HEATR5A: variants seen among roughly 807,000 people sequenced by gnomAD.
HEATR5A encodes the protein HEAT repeat containing 5A, also known as HEAT repeat-containing protein 5A.
In HEATR5A, 178 loss-of-function variants were observed where a neutral mutation model predicts 218.8. The observed-to-expected ratio is 0.81, with a 90% CI of 0.72 to 0.92. The LOEUF (loss-of-function observed/expected upper bound fraction) is 0.92, where lower values mean the gene tolerates loss of function less well. HEATR5A is among the 40% of genes least tolerant of loss of function. The pLI is 0.00. For missense variants in HEATR5A, 2,420 were observed against 2,418.9 expected, an observed-to-expected ratio of 1.00 and a Z score of -0.01; for synonymous variants, 864 against 871.6, an observed-to-expected ratio of 0.99 and a Z score of 0.15.
chr14:31,353,473 C>T (rs1186002102), intron 16 of HEATR5A, among the ~76,000 whole-genome samples: 2 of 152,052 alleles, frequency 1.3e-5, no homozygotes, highest in African/African-American at 2.4e-5. Flanking sequence ...TGGTGGCTCA[C>T]GCCTGTAATT....
At chr14:31,392,138 T>C (rs532483287) in intron 6 of HEATR5A, among the ~76,000 whole-genome samples, 13 of 152,340 alleles carry the variant, frequency 8.5e-5, no homozygotes, top group African/African-American at 2.6e-4. Flanking sequence ...CAGAGAACTA[T>C]GTAAGTGATG....
At chr14:31,412,216 T>A (rs7151305) in intron 1 of HEATR5A, among the ~76,000 whole-genome samples, 144,964 of 152,288 alleles carry the variant, frequency 0.95, 69,351 homozygotes, top group Non-Finnish European at 1. Flanking sequence ...ACTATCAATG[T>A]CATACTTCTA....
chr14:31,351,508 G>GAAAAAAAAAAA (rs71430949), intron 16 of HEATR5A, among the ~76,000 whole-genome samples: 2 of 129,322 alleles, frequency 1.5e-5, no homozygotes, highest in African/African-American at 2.9e-5. Context: ...AAGAAAGAAA[G>GAAAAAAAAAAA]AAAAAAAAAA....
At chr14:31,295,765 TGAAATA>T (rs1354313967) in intron 34 of HEATR5A, 138 bp downstream of exon 34, 2 of 639,536 alleles carry the variant, frequency 3.1e-6, no homozygotes, top group Non-Finnish European at 5.3e-6. Context: ...TTGTCACTCC[TGAAATA>T]GAAATTAATC....
intron 16 of HEATR5A, among the ~76,000 whole-genome samples, chr14:31,352,112 T>A (rs1203041005): frequency 1.3e-5 from 2 of 152,158 alleles, no homozygotes. Flanking sequence ...CATGTAACCA[T>A]AAAATAAACC....
At chr14:31,307,545 T>C (rs2139140390) in intron 30 of HEATR5A, among the ~76,000 whole-genome samples, 2 of 152,270 alleles carry the variant, frequency 1.3e-5, no homozygotes, top group African/African-American at 4.8e-5. Flanking sequence ...GGGAATGGAA[T>C]ATAAGATACA....
chr14:31,409,373 T>C (rs1387693149), intron 1 of HEATR5A, among the ~76,000 whole-genome samples: 1 of 149,728 alleles, frequency 6.7e-6, no homozygotes, highest in Non-Finnish European at 1.5e-5. Context: ...CTAAAGTAAC[T>C]TACTCCAAAA....
intron 1 of HEATR5A, among the ~76,000 whole-genome samples, chr14:31,408,293 A>G (rs1157139043): frequency 6.6e-6 from 1 of 152,228 alleles, no homozygotes; most frequent in Admixed American, 6.5e-5. Flanking sequence ...TAGAGGTCAA[A>G]TTTAGACTAA....
chr14:31,391,217 C>T (rs1354095224), intron 6 of HEATR5A, among the ~76,000 whole-genome samples: 1 of 152,170 alleles, frequency 6.6e-6, no homozygotes, highest in Non-Finnish European at 1.5e-5. Context: ...AAACCTCTGC[C>T]TCCCATGTTA....
At chr14:31,366,106 A>G (rs1566769876) in intron 13 of HEATR5A, among the ~76,000 whole-genome samples, 1 of 152,258 alleles carries the variant, frequency 6.6e-6, no homozygotes, top group East Asian at 1.9e-4. Context: ...CTTAGCAAAC[A>G]TAATTGTAAC....
chr14:31,301,813 T>C (rs1005039744), intron 33 of HEATR5A, among the ~76,000 whole-genome samples: 2 of 103,354 alleles, frequency 1.9e-5, no homozygotes, highest in African/African-American at 1.6e-4. Context: ...GCTTTCTTTT[T>C]TTTTTTTTTT....
At chr14:31,334,774 G>C (rs368337310) in intron 22 of HEATR5A, among the ~76,000 whole-genome samples, 65 of 152,086 alleles carry the variant, frequency 4.3e-4, no homozygotes, top group African/African-American at 1.5e-3. Flanking sequence ...GTGAAACCCT[G>C]TCTCTACTAA....
intron 13 of HEATR5A, 31 bp downstream of exon 13, chr14:31,371,779 C>T: frequency 9.4e-7 from 1 of 1,065,482 alleles, no homozygotes; most frequent in Non-Finnish European, 1.3e-6. Flanking sequence ...AATCAGAGGG[C>T]AACTATCAAA....
At position 31,292,521 on chromosome 14, in the gene HEATR5A, C is replaced by T. The variant is rs1899057109; in HGVS notation, c.*784G>A. 1 of 152,096 alleles carries T rather than the reference C, an allele frequency of 6.6e-6. No individual in the cohort carries two copies. The highest frequency in any genetic ancestry group is 2.1e-4 in the South Asian group (1 of 4,822). The allele number at this position is 152,096 out of a possible 1,614,324, so 9.4% of individuals were successfully genotyped here. ...AGACCAGGTTTCCTAAATAGCTCTCCAATCATTTTATCTTCTTGGAGAAAT... is the reference window on the plus strand; with the variant it reads ...AGACCAGGTTTCCTAAATAGCTCTCTAATCATTTTATCTTCTTGGAGAAAT... On this transcript the variant is annotated 3_prime_UTR_variant, in exon 36 of 36. Coordinates refer to ENST00000543095, the MANE Select transcript of HEATR5A (RefSeq NM_015473.4).
intron 33 of HEATR5A, among the ~76,000 whole-genome samples, chr14:31,298,312 A>G (rs1899257337): frequency 1.3e-5 from 2 of 152,172 alleles, no homozygotes. Flanking sequence ...ACCTGTCATG[A>G]CCAACTCCTT....
At chr14:31,417,227 G>C (rs1315641622) in intron 1 of HEATR5A, among the ~76,000 whole-genome samples, 2 of 151,952 alleles carry the variant, frequency 1.3e-5, no homozygotes, top group African/African-American at 4.8e-5. Flanking sequence ...ACAGTTGCTA[G>C]AGAAAATATA....
Position 31,323,097 on chromosome 14 carries a change from A to C in HEATR5A, c.3787+468T>G, listed in dbSNP as rs1028207588. 4.6e-5 allele frequency among the ~76,000 whole-genome samples: 7 copies of C among 152,164 alleles called. No individual in the cohort carries two copies. The South Asian group carries it at 6.2e-4, about 14-fold the overall frequency. On this transcript the variant is annotated intron_variant, in intron 24 of 35. Transcript: ENST00000543095. The stretch of plus-strand genomic sequence containing the variant: ...AGGAAATAATTTTTGAGAACTAGTA[A>C]ATGTTCATACTATTTCCCAAGAACC...
chr14:31,294,708 A>G (rs991062669), intron 34 of HEATR5A, among the ~76,000 whole-genome samples: 3 of 151,920 alleles, frequency 2.0e-5, no homozygotes, highest in African/African-American at 4.8e-5. Context: ...ACCGTGCCCA[A>G]CCTCCTAACA....
Position 31,313,098 on chromosome 14 carries a change from A to C in HEATR5A, c.4311T>G (p.Cys1437Trp), listed in dbSNP as rs750039210. 13 of 1,613,912 alleles carry C rather than the reference A, an allele frequency of 8.1e-6. No homozygotes were observed. In the East Asian group the frequency reaches 2.7e-4, roughly 33 times the overall value. ...CTAAGTCAAGCAGTCCATCTGATGA[A>C]CATGATCCATTTCTGATACCGTCTT... The part of the protein sequence containing the change: ...CLEDGIRNGS[C>W]SSDGLLDLVY... Residue 1437 changes from cysteine (C) to tryptophan (W), a missense_variant, in exon 28 of 36, where the codon TGT becomes TGG. Cys to Trp is a radical substitution (Grantham distance 215). Transcript: ENST00000543095.
Sources: allele counts gnomAD v4.1 joint callset (sites outside exome capture counted in the v4.1 genomes callset), GRCh38; gene constraint gnomAD v4.1.1; transcripts MANE v1.5; gene names NCBI Gene and HGNC (gene_info 2026-07-23, HGNC 2026-07-21).